The following ZNF532 variants were observed in gnomAD, a reference collection of about 807,000 sequenced individuals.
The protein encoded by ZNF532 is zinc finger protein 532.
In ZNF532, 22 loss-of-function variants were observed where a neutral mutation model predicts 89.3. The observed-to-expected ratio is 0.25, with a 90% confidence interval of 0.18 to 0.35. The LOEUF (loss-of-function observed/expected upper bound fraction) is 0.35, where lower values mean the gene tolerates loss of function less well. Among genes scored for constraint, ZNF532 ranks in the 10% least tolerant of loss-of-function variants. ZNF532 has a pLI of 1.00. For synonymous variants in ZNF532, 606 were observed against 649.6 expected, an observed-to-expected ratio of 0.93 and a Z score of 1.02; for missense variants, 1,132 against 1,643.4, an observed-to-expected ratio of 0.69 and a Z score of 5.38.
At chr18:58,954,782 G>A (rs1036180301) in intron 7 of ZNF532, among the ~76,000 whole-genome samples, 12 of 146,900 alleles carry the variant, frequency 8.2e-5, no homozygotes, top group Non-Finnish European at 1.8e-4. Flanking sequence ...GCATGATCTC[G>A]GCTTGCTGCA....
intron 5 of ZNF532, among the ~76,000 whole-genome samples, chr18:58,944,369 CCTT>C (rs1344055860): frequency 5.3e-5 from 8 of 151,958 alleles, no homozygotes; most frequent in Non-Finnish European, 1.2e-4. Flanking sequence ...TCTCTCTCTT[CCTT>C]CTTCTCCTTC....
rs1465705950 is a variant in ZNF532 at position 58,979,020 on chromosome 18, C to T, written c.3151-35C>T. On this transcript the variant is annotated intron_variant, in intron 7 of 9. Transcript: ENST00000591808. ...TTAATTGTTTGAGTGCATCTATTTTCATTCCCTTAAGTGAACTTTCTCTCC... is the reference window on the plus strand; with the variant it reads ...TTAATTGTTTGAGTGCATCTATTTTTATTCCCTTAAGTGAACTTTCTCTCC... The T allele has an allele frequency of 2.0e-6, 3 of 1,533,338 alleles. No individual in the cohort carries two copies. In the Admixed American group the frequency reaches 5.1e-5, roughly 26 times the overall value. The allele number at this position is 1,533,338 out of a possible 1,614,324, so 95.0% of individuals were successfully genotyped here.
chr18:58,955,805 G>T (rs776095144), intron 7 of ZNF532, among the ~76,000 whole-genome samples: 1 of 152,180 alleles, frequency 6.6e-6, no homozygotes, highest in Non-Finnish European at 1.5e-5. Context: ...TTTCCTACTA[G>T]CATTGTACAG....
intron 2 of ZNF532, among the ~76,000 whole-genome samples, chr18:58,901,293 T>C (rs921902720): frequency 3.3e-5 from 5 of 152,336 alleles, no homozygotes; most frequent in Admixed American, 3.3e-4. Context: ...AGTCTAGCTA[T>C]GTTGGCCAGG....
At chr18:58,975,240 A>G (rs1349345269) in intron 7 of ZNF532, among the ~76,000 whole-genome samples, 1 of 152,180 alleles carries the variant, frequency 6.6e-6, no homozygotes, top group Non-Finnish European at 1.5e-5. Flanking sequence ...TGTAGCCTGC[A>G]GTCTTTAAGT....
chr18:58,948,799 C>T (rs62095512), intron 6 of ZNF532, among the ~76,000 whole-genome samples: 2,258 of 152,162 alleles, frequency 0.015, 26 homozygotes, highest in South Asian at 0.028. Context: ...TCAGGTGATC[C>T]GCCTGCCTTG....
intron 5 of ZNF532, among the ~76,000 whole-genome samples, chr18:58,943,431 A>G (rs1161121327): frequency 7.0e-6 from 1 of 143,328 alleles, no homozygotes; most frequent in African/African-American, 2.6e-5. Context: ...AAGTGCTGGG[A>G]TTACAGGCAT....
rs140828768 is a variant in ZNF532, at chr18:58,907,034, G to T, written c.-17-11237G>T. On this transcript the variant is annotated intron_variant, in intron 2 of 9. Transcript: ENST00000591808. ...TCCCTTGAGAAAACTCACTTGCGAGGTTCCTGAGGACCTGGAAAAGATGGC... is the reference window on the plus strand; with the variant it reads ...TCCCTTGAGAAAACTCACTTGCGAGTTTCCTGAGGACCTGGAAAAGATGGC... Among the ~76,000 whole-genome samples, 529 of 152,254 alleles carry T rather than the reference G, an allele frequency of 3.5e-3. 3 individuals carry two copies. Among genetic ancestry groups the T allele is most frequent in the African/African-American group, 0.011 (477 of 41,538 alleles).
rs2068163180 is a variant in ZNF532, at chr18:58,984,066, A to G, written c.3506A>G (p.Asn1169Ser). The change falls in exon 10 of 10, where the codon AAT becomes AGT. Residue 1169 changes from asparagine to serine, a missense_variant. Transcript: ENST00000591808. ...CAACCACTGAAAAAGCTGAAAATCA[A>G]TGTTTTTAAGGTTCACAAGTGTGCC... ...ITQPLKKLKI[N>S]VFKVHKCAVC... 5.6e-6 allele frequency: 9 copies of G among 1,611,800 alleles called. No homozygotes were observed. The highest frequency in any genetic ancestry group is 6.8e-6 in the Non-Finnish European group (8 of 1,179,854).
Position 58,979,084 on chromosome 18 carries a change from T to C in ZNF532, c.3180T>C (p.Cys1060=). ...TGAAGAAACACCCCTGCCGCCAGTGTGACAAGTCTTTCAGCTCGTCCCACA... is the reference window on the plus strand; with the variant it reads ...TGAAGAAACACCCCTGCCGCCAGTGCGACAAGTCTTTCAGCTCGTCCCACA... ...KQMKKHPCRQ[C]DKSFSSSHSL... The change falls in exon 8 of 10, where the codon TGT becomes TGC. Residue 1060 remains cysteine, a synonymous_variant. Transcript: ENST00000591808. The C allele has an allele frequency of 6.2e-7, 1 of 1,612,476 alleles. No homozygotes were observed. Among genetic ancestry groups the C allele is most frequent in the Non-Finnish European group, 8.5e-7 (1 of 1,178,608 alleles).
chr18:58,959,520 G>T (rs767076212), intron 7 of ZNF532, among the ~76,000 whole-genome samples: 2 of 152,050 alleles, frequency 1.3e-5, no homozygotes, highest in East Asian at 3.9e-4. Flanking sequence ...CCAAAGTGCT[G>T]GGATTATAGG....
intron 2 of ZNF532, among the ~76,000 whole-genome samples, chr18:58,870,311 A>C (rs2056874977): frequency 6.6e-6 from 1 of 152,164 alleles, no homozygotes; most frequent in African/African-American, 2.4e-5. Flanking sequence ...AGGAGCCCCC[A>C]GAAGCTATGA....
intron 3 of ZNF532, among the ~76,000 whole-genome samples, chr18:58,925,722 A>G (rs1005905069): frequency 6.6e-6 from 1 of 152,004 alleles, no homozygotes; most frequent in Non-Finnish European, 1.5e-5. Context: ...TTTTTCCTCA[A>G]CGTTTTATAA....
At chr18:58,877,303 G>T (rs2057510293) in intron 2 of ZNF532, among the ~76,000 whole-genome samples, 1 of 152,148 alleles carries the variant, frequency 6.6e-6, no homozygotes. Context: ...GCCTCCATTG[G>T]GTCCTTGGGT....
chr18:58,907,133 G>A (rs1187495908), intron 2 of ZNF532, among the ~76,000 whole-genome samples: 1 of 152,144 alleles, frequency 6.6e-6, no homozygotes, highest in African/African-American at 2.4e-5. Context: ...CAGAGAAGCA[G>A]GGGTCCTTTC....
chr18:58,927,274 A>C (rs539391881), intron 3 of ZNF532, among the ~76,000 whole-genome samples: 35 of 152,336 alleles, frequency 2.3e-4, no homozygotes, highest in African/African-American at 8.2e-4. Flanking sequence ...AGCTCATTAC[A>C]GTCTCAAGAG....
chr18:58,945,228 C>G (rs1022967557), intron 5 of ZNF532, among the ~76,000 whole-genome samples: 1 of 152,166 alleles, frequency 6.6e-6, no homozygotes, highest in African/African-American at 2.4e-5. Context: ...GTGGCTGACC[C>G]TCACTTGGTC....
At chr18:58,972,150 C>G (rs1347111866) in intron 7 of ZNF532, among the ~76,000 whole-genome samples, 5 of 152,220 alleles carry the variant, frequency 3.3e-5, no homozygotes, top group Non-Finnish European at 5.9e-5. Context: ...CTATGGTGAG[C>G]TGAGATTGCA....
chr18:58,888,726 AATT>A (rs2058514027), intron 2 of ZNF532, among the ~76,000 whole-genome samples: 3 of 53,306 alleles, frequency 5.6e-5, no homozygotes, highest in African/African-American at 1.3e-4. Context: ...TATATATATA[AATT>A]ATATATATAT....
Sources: allele counts gnomAD v4.1 joint callset (sites outside exome capture counted in the v4.1 genomes callset), GRCh38; gene constraint gnomAD v4.1.1; transcripts MANE v1.5; gene names NCBI Gene and HGNC (gene_info 2026-07-23, HGNC 2026-07-21).